SESTD1: variants seen among roughly 807,000 people sequenced by gnomAD.
SESTD1 encodes the protein SEC14 and spectrin domain containing 1.
Under a neutral mutation model 101.7 loss-of-function variants are expected in SESTD1, and 43 were observed. The observed-to-expected ratio is 0.42, with a 90% CI of 0.33 to 0.55. The LOEUF (loss-of-function observed/expected upper bound fraction) is 0.55. SESTD1 is among the 20% of genes least tolerant of loss of function. The pLI is 0.07. For synonymous variants in SESTD1, 283 were observed against 286.8 expected (o/e 0.99, Z 0.13); for missense variants, 647 against 815.1 (o/e 0.79, Z 2.51).
intron 1 of SESTD1, among the ~76,000 whole-genome samples, chr2:179,194,348 C>A (rs1013072301): frequency 3.9e-5 from 6 of 152,140 alleles, no homozygotes; most frequent in African/African-American, 1.4e-4. Flanking sequence ...AAATGGGGAT[C>A]TAGGAACCAT....
chr2:179,121,383 T>G (rs2044746771), intron 13 of SESTD1, among the ~76,000 whole-genome samples: 2 of 152,270 alleles, frequency 1.3e-5, no homozygotes, highest in South Asian at 4.1e-4. Flanking sequence ...ATTCTGTAAG[T>G]TTAGATGAAG....
At chr2:179,224,644 A>G (rs1440229357) in intron 1 of SESTD1, among the ~76,000 whole-genome samples, 1 of 152,114 alleles carries the variant, frequency 6.6e-6, no homozygotes, top group Non-Finnish European at 1.5e-5. Flanking sequence ...ACCCCCACTA[A>G]CTCTGAGAAG....
intron 7 of SESTD1, among the ~76,000 whole-genome samples, chr2:179,147,449 C>T (rs920182204): frequency 6.6e-6 from 1 of 151,878 alleles, no homozygotes; most frequent in Non-Finnish European, 1.5e-5. Context: ...ACAACCTCCG[C>T]CTCCCAGGCT....
At chr2:179,230,323 A>G (rs2105537409) in intron 1 of SESTD1, among the ~76,000 whole-genome samples, 1 of 151,438 alleles carries the variant, frequency 6.6e-6, no homozygotes, top group South Asian at 2.1e-4. Context: ...TTTTGTAGAG[A>G]ATGAGTTTTG....
Position 179,117,567 on chromosome 2 carries a change from C to A in SESTD1, c.1489G>T (p.Val497Leu), listed in dbSNP as rs766652544. The change falls in exon 14 of 18, where the codon GTG (valine) becomes TTG (leucine). Residue 497 changes from valine to leucine, a missense_variant. Transcript: ENST00000428443. ...DVRRLKMLQM[V>L]QLFKCEEDAA... is the part of the protein sequence containing the mutation. ...TCTTCTTCACATTTAAACAACTGCA[C>A]CATCTGAAGCATCTTTAACCTTCGC... The A allele has an allele frequency of 1.3e-6, 2 of 1,585,494 alleles. No individual in the cohort carries two copies. Among genetic ancestry groups the A allele is most frequent in the Non-Finnish European group, 1.7e-6 (2 of 1,170,000 alleles).
intron 2 of SESTD1, among the ~76,000 whole-genome samples, chr2:179,185,865 A>G (rs2046220426): frequency 7.5e-6 from 1 of 132,946 alleles, no homozygotes; most frequent in South Asian, 2.2e-4. Flanking sequence ...ATAGTATGTT[A>G]TATACAATAT....
intron 3 of SESTD1, among the ~76,000 whole-genome samples, chr2:179,177,056 T>C (rs762854478): frequency 6.6e-6 from 1 of 152,136 alleles, no homozygotes; most frequent in Non-Finnish European, 1.5e-5. Context: ...TGAGATGAGG[T>C]AGAACTTGCT....
Position 179,115,251 on chromosome 2 carries a change from A to C in SESTD1, c.1653T>G (p.Thr551=), listed in dbSNP as rs1465273579. Residue 551 remains threonine, a synonymous_variant, in exon 16 of 18, where the codon ACT becomes ACG. Transcript: ENST00000428443. ...GTAGCAACTGCCTGCCATAGTCATA[A>C]GTGCTCTAAAAAAGAAAAGGAAACA... The part of the protein sequence containing the change: ...HRKFVDVAQS[T]YDYGRQLLQA... The C allele has an allele frequency of 6.4e-7, 1 of 1,573,294 alleles. No individual in the cohort carries two copies. The highest frequency in any genetic ancestry group is 2.1e-5 in the Admixed American group (1 of 47,288).
chr2:179,206,293 G>A (rs1427475351), intron 1 of SESTD1, among the ~76,000 whole-genome samples: 1 of 135,876 alleles, frequency 7.4e-6, no homozygotes, highest in Non-Finnish European at 1.6e-5. Flanking sequence ...GTGGCTTGCT[G>A]CTGCAAACAC....
At chr2:179,192,863 CT>C (rs1250230863) in intron 1 of SESTD1, among the ~76,000 whole-genome samples, 21 of 152,284 alleles carry the variant, frequency 1.4e-4, no homozygotes, top group Middle Eastern at 3.4e-3. Flanking sequence ...CCTTCCTCCC[CT>C]ATCCCATCTC....
At chr2:179,233,370 A>C (rs1325604723) in intron 1 of SESTD1, among the ~76,000 whole-genome samples, 4 of 152,226 alleles carry the variant, frequency 2.6e-5, no homozygotes, top group Admixed American at 1.3e-4. Context: ...AGGTAGTTAC[A>C]AATACGGAAA....
chr2:179,196,238 G>A (rs1049940117), intron 1 of SESTD1, among the ~76,000 whole-genome samples: 5 of 152,206 alleles, frequency 3.3e-5, no homozygotes, highest in Admixed American at 2.0e-4. Context: ...CGAATCCTGC[G>A]CTTTTCCGAC....
chr2:179,108,920 T>C lies in SESTD1; in HGVS notation c.*979A>G, dbSNP rs547040606. Reference sequence around the variant, plus strand: ...ACTAAATTTTATTAACAATTGCTATTTTAGTTCCTGAAAGATTACTCTGAT... The same window carrying C: ...ACTAAATTTTATTAACAATTGCTATCTTAGTTCCTGAAAGATTACTCTGAT... On this transcript the variant is annotated 3_prime_UTR_variant, in exon 18 of 18. Coordinates refer to ENST00000428443, the MANE Select transcript of SESTD1 (RefSeq NM_178123.5). 3 of 152,214 alleles carry C rather than the reference T, an allele frequency of 2.0e-5. No homozygotes were observed. Among genetic ancestry groups the C allele is most frequent in the Middle Eastern group, 3.4e-3 (1 of 294 alleles). 9.4% of individuals were successfully genotyped at this position (152,214 alleles called of 1,614,324 possible). A position where few individuals can be genotyped will look rare whatever the true frequency, so the allele number is the denominator to read the frequency against.
At chr2:179,141,075 C>T (rs978103753) in intron 9 of SESTD1, among the ~76,000 whole-genome samples, 2 of 152,168 alleles carry the variant, frequency 1.3e-5, no homozygotes, top group Admixed American at 6.5e-5. Context: ...TTACCATTCA[C>T]GCACAGATGA....
chr2:179,197,212 A>T (rs1159145779), intron 1 of SESTD1, among the ~76,000 whole-genome samples: 2 of 152,140 alleles, frequency 1.3e-5, no homozygotes, highest in African/African-American at 4.8e-5. Flanking sequence ...GGTATCAGCT[A>T]TGGAAAATGA....
chr2:179,159,541 T>C (rs1160290185), intron 5 of SESTD1, among the ~76,000 whole-genome samples: 1 of 152,222 alleles, frequency 6.6e-6, no homozygotes, highest in Non-Finnish European at 1.5e-5. Context: ...GATTTCTAGA[T>C]GTTTGAAAAG....
At chr2:179,126,365 C>T (rs2044874763) in intron 10 of SESTD1, among the ~76,000 whole-genome samples, 1 of 151,914 alleles carries the variant, frequency 6.6e-6, no homozygotes, top group South Asian at 2.1e-4. Context: ...TAAGCACTTC[C>T]TCCTCCTTCA....
intron 15 of SESTD1, among the ~76,000 whole-genome samples, chr2:179,116,009 C>T (rs190790824): frequency 1.3e-5 from 2 of 152,182 alleles, no homozygotes; most frequent in Non-Finnish European, 2.9e-5. Context: ...CGCGGTGGCT[C>T]ACTCCTGTAA....
In SESTD1 at chr2:179,103,071, G is replaced by C. The variant is rs1315105883; in HGVS notation, c.*6828C>G. On this transcript the variant is annotated 3_prime_UTR_variant, in exon 18 of 18. Transcript: ENST00000428443. ...ACTTTACCTACTGAAAACGGGTGGT[G>C]AAAGTTAGTAACATAAACAAACCAG... The C allele has an allele frequency of 6.6e-6, 1 of 152,096 alleles. No homozygotes were observed. The highest frequency in any genetic ancestry group is 1.5e-5 in the Non-Finnish European group (1 of 68,002). 9.4% of individuals were successfully genotyped at this position (152,096 alleles called of 1,614,324 possible). A position where few individuals can be genotyped will look rare whatever the true frequency, so the allele number is the denominator to read the frequency against.
Sources: gnomAD v4.1 joint callset for allele counts (sites outside exome capture counted in the v4.1 genomes callset) on GRCh38, gnomAD v4.1.1 for gene constraint, MANE v1.5 for transcripts, NCBI Gene and HGNC (gene_info 2026-07-23, HGNC 2026-07-21) for gene names.